Variants in CAST observed in about 807,000 individuals in gnomAD.
The protein encoded by CAST is calpastatin, also known as MIR583 host.
A neutral mutation model predicts 119.6 loss-of-function variants in CAST; 76 were observed. That is an observed-to-expected ratio of 0.64 (90% confidence interval 0.53 to 0.77). CAST has a LOEUF of 0.77. Ranked by LOEUF, CAST falls within the 30% of genes least tolerant of loss-of-function variation. The probability of loss-of-function intolerance (pLI) is 0.00; values close to 1 mark genes in which losing one functional copy is unlikely to be tolerated. For missense variants in CAST, 953 were observed against 946.5 expected (o/e 1.01, Z -0.09); for synonymous variants, 319 against 331.6 (o/e 0.96, Z 0.41).
chr5:96,370,039 C>G, the CAST span, among the ~76,000 whole-genome samples: 1 of 151,938 alleles, frequency 6.6e-6, no homozygotes, highest in Non-Finnish European at 1.5e-5. Context: ...ATGGAAATCT[C>G]TTACATTTCA....
At chr5:96,109,557 TC>T in the CAST span, among the ~76,000 whole-genome samples, 2 of 152,224 alleles carry the variant, frequency 1.3e-5, no homozygotes, top group East Asian at 3.9e-4. Flanking sequence ...TGTTTGGCAA[TC>T]TTTTGGATTC....
chr5:96,438,982 A>G, the CAST span, among the ~76,000 whole-genome samples: 1 of 152,202 alleles, frequency 6.6e-6, no homozygotes, highest in East Asian at 1.9e-4. Flanking sequence ...ACTTAGCAGA[A>G]GGGTGAGGAC....
At chr5:95,980,019 G>A in the CAST span, among the ~76,000 whole-genome samples, 1 of 152,104 alleles carries the variant, frequency 6.6e-6, no homozygotes, top group Non-Finnish European at 1.5e-5. Flanking sequence ...TTGGGAGGCT[G>A]AGGCAGGAGA....
At chr5:96,749,749 G>A (rs2150571118) in intron 19 of CAST, among the ~76,000 whole-genome samples, 1 of 152,290 alleles carries the variant, frequency 6.6e-6, no homozygotes, top group African/African-American at 2.4e-5. Flanking sequence ...GTTTGGCCAT[G>A]TTGCCCAGGC....
chr5:96,654,913 A>T (rs1290133342), intron 1 of CAST, among the ~76,000 whole-genome samples: 1 of 152,244 alleles, frequency 6.6e-6, no homozygotes, highest in Non-Finnish European at 1.5e-5. Context: ...TTATTGCAAG[A>T]ACCATTAAGA....
At chr5:96,656,764 T>G (rs1486568155) in intron 1 of CAST, among the ~76,000 whole-genome samples, 3 of 152,172 alleles carry the variant, frequency 2.0e-5, no homozygotes, top group Non-Finnish European at 4.4e-5. Flanking sequence ...TCTGGAATTC[T>G]ACTCCAAAGG....
chr5:96,717,718 C>T (rs78032241), intron 3 of CAST, among the ~76,000 whole-genome samples: 5 of 151,992 alleles, frequency 3.3e-5, no homozygotes, highest in African/African-American at 7.3e-5. Context: ...ATGTGGTGCT[C>T]GTGAGATGGT....
At chr5:96,349,139 A>ATTTTTTTTTTTTTTTTTTTTTT in the CAST span, among the ~76,000 whole-genome samples, 63 of 89,616 alleles carry the variant, frequency 7.0e-4, 5 homozygotes, top group African/African-American at 2.2e-3. Flanking sequence ...CAAGGACACT[A>ATTTTTTTTTTTTTTTTTTTTTT]TTTTTTTTTT....
At chr5:96,323,544 T>C in the CAST span, among the ~76,000 whole-genome samples, 2 of 152,242 alleles carry the variant, frequency 1.3e-5, no homozygotes, top group Admixed American at 1.3e-4. Context: ...TTCAGGTGCA[T>C]GACTTAAGAA....
the CAST span, among the ~76,000 whole-genome samples, chr5:96,152,957 G>T: frequency 6.6e-6 from 1 of 152,152 alleles, no homozygotes; most frequent in Non-Finnish European, 1.5e-5. Context: ...GAGGAATTTA[G>T]AAATCTAAGC....
chr5:96,025,477 G>A, the CAST span, among the ~76,000 whole-genome samples: 1 of 152,064 alleles, frequency 6.6e-6, no homozygotes, highest in Non-Finnish European at 1.5e-5. Context: ...ATTTGGGGGG[G>A]ACACAACAAT....
chr5:96,371,248 C>A, the CAST span, among the ~76,000 whole-genome samples: 1 of 152,244 alleles, frequency 6.6e-6, no homozygotes, highest in Middle Eastern at 3.4e-3. Context: ...CATTATTGTG[C>A]CAAAGCATTA....
At chr5:96,021,868 C>T in the CAST span, among the ~76,000 whole-genome samples, 1 of 152,190 alleles carries the variant, frequency 6.6e-6, no homozygotes, top group Admixed American at 6.5e-5. Context: ...GATCGGATTA[C>T]ATATAATTAC....
At chr5:96,344,523 T>G in the CAST span, among the ~76,000 whole-genome samples, 1 of 152,140 alleles carries the variant, frequency 6.6e-6, no homozygotes, top group African/African-American at 2.4e-5. Context: ...AGAATTCAGA[T>G]TCAAAGGAAT....
chr5:96,049,644 G>A, the CAST span, among the ~76,000 whole-genome samples: 4 of 152,104 alleles, frequency 2.6e-5, no homozygotes, highest in African/African-American at 7.2e-5. Context: ...AAAGTCCAGG[G>A]TTACTGGTGG....
the CAST span, among the ~76,000 whole-genome samples, chr5:96,469,879 A>ATATAT: frequency 9.3e-6 from 1 of 107,418 alleles, no homozygotes; most frequent in East Asian, 2.1e-4. Context: ...ATATATATAT[A>ATATAT]ATATATATAT....
chr5:96,155,849 T>C, the CAST span, among the ~76,000 whole-genome samples: 2,222 of 152,268 alleles, frequency 0.015, 55 homozygotes, highest in African/African-American at 0.05. Flanking sequence ...CCAGTGGTAA[T>C]AGTCCAAGAT....
chr5:96,498,410 T>G, the CAST span, among the ~76,000 whole-genome samples: 5 of 152,200 alleles, frequency 3.3e-5, no homozygotes, highest in Non-Finnish European at 7.3e-5. Flanking sequence ...AAGTCATTGG[T>G]AGCTTGATGG....
the CAST span, among the ~76,000 whole-genome samples, chr5:96,377,771 T>A: frequency 6.6e-6 from 1 of 152,168 alleles, no homozygotes; most frequent in Non-Finnish European, 1.5e-5. Context: ...CTATTCACAC[T>A]GTATGTTAGG....
Sources: allele counts gnomAD v4.1 joint callset (sites outside exome capture counted in the v4.1 genomes callset), GRCh38; gene constraint gnomAD v4.1.1; transcripts MANE v1.5; gene names NCBI Gene and HGNC (gene_info 2026-07-23, HGNC 2026-07-21).